The following ZFAT variants were observed in gnomAD, a reference collection of about 807,000 sequenced individuals.
ZFAT encodes zinc finger and AT-hook domain containing.
Under a neutral mutation model 117.7 loss-of-function variants are expected in ZFAT, and 64 were observed. That is an observed-to-expected ratio of 0.54 (90% CI 0.44 to 0.67). The LOEUF (loss-of-function observed/expected upper bound fraction) is 0.67, where lower values mean the gene tolerates loss of function less well. Among genes scored for constraint, ZFAT ranks in the 30% least tolerant of loss-of-function variants. The pLI is 0.00. For missense variants in ZFAT, 1,433 were observed against 1,584.5 expected, an observed-to-expected ratio of 0.90 and a Z score of 1.62; for synonymous variants, 679 against 615.0, an observed-to-expected ratio of 1.10 and a Z score of -1.54.
Position 134,565,638 on chromosome 8 carries a change from C to T in ZFAT, c.2888-217G>A, listed in dbSNP as rs1824399207. 3 of 654,240 alleles carry T rather than the reference C, an allele frequency of 4.6e-6. No homozygotes were observed. In the Admixed American group the frequency reaches 7.4e-5, roughly 16 times the overall value. The allele number at this position is 654,240 out of a possible 1,614,324, so 40.5% of individuals were successfully genotyped here. A position where few individuals can be genotyped will look rare whatever the true frequency, so the allele number is the denominator to read the frequency against. On this transcript the variant is annotated intron_variant, in intron 10 of 15. Coordinates refer to ENST00000377838, the MANE Select transcript of ZFAT (RefSeq NM_020863.4). ...GGCACTCCCCAGGGAGGGAGAGGCA[C>T]AGCCAGCTCCACCTGGGGAGGCCCC... is the stretch of plus-strand genomic sequence containing the variant.
intron 2 of ZFAT, among the ~76,000 whole-genome samples, chr8:134,644,772 T>C (rs1021526940): frequency 6.6e-6 from 1 of 151,588 alleles, no homozygotes; most frequent in Non-Finnish European, 1.5e-5. Context: ...ATACTCACAA[T>C]GTGCCCAGAT....
chr8:134,509,637 C>T lies in ZFAT; in HGVS notation c.3474G>A (p.Thr1158=), dbSNP rs16905160. 4,933 of 1,613,360 alleles carry T rather than the reference C, an allele frequency of 3.1e-3. 119 individuals carry two copies. In the African/African-American group the frequency reaches 0.054, roughly 18 times the overall value. ...TCCCTACCTGCTTAACCACAGTCAC[C>T]GTCCCTGGTGCCATGGCAACCACCG... The part of the protein sequence containing the change: ...LASVVAMAPG[T]VTVVKQVTEE... Residue 1158 remains threonine (T), a synonymous_variant, in exon 15 of 16, where the codon ACG becomes ACA. Coordinates refer to ENST00000377838, the MANE Select transcript of ZFAT (RefSeq NM_020863.4).
chr8:134,634,929 G>A (rs1441142980), intron 3 of ZFAT, among the ~76,000 whole-genome samples: 4 of 152,154 alleles, frequency 2.6e-5, no homozygotes, highest in Admixed American at 1.3e-4. Context: ...GGATGAAACT[G>A]TTCCACCTCA....
At chr8:134,520,502 T>C (rs1047826898) in intron 13 of ZFAT, among the ~76,000 whole-genome samples, 1 of 151,910 alleles carries the variant, frequency 6.6e-6, no homozygotes, top group Non-Finnish European at 1.5e-5. Flanking sequence ...GAGCAGGGCC[T>C]AGATTCAGGA....
chr8:134,749,114 C>A, the ZFAT span, among the ~76,000 whole-genome samples: 2 of 152,026 alleles, frequency 1.3e-5, no homozygotes, highest in African/African-American at 2.4e-5. Flanking sequence ...CTTTTTGTGG[C>A]ATCTTTTGAA....
intron 10 of ZFAT, among the ~76,000 whole-genome samples, chr8:134,571,689 A>T (rs1824920315): frequency 6.6e-6 from 1 of 152,224 alleles, no homozygotes; most frequent in Non-Finnish European, 1.5e-5. Context: ...AGCACTATGA[A>T]CCAAAGCTAC....
chr8:134,533,062 G>C (rs1361039996), intron 11 of ZFAT, 90 bp from the exon 12 acceptor site: 1 of 1,510,594 alleles, frequency 6.6e-7, no homozygotes, highest in Admixed American at 2.0e-5. Context: ...CTGACACCCT[G>C]AAAGCCTGAG....
intron 10 of ZFAT, among the ~76,000 whole-genome samples, chr8:134,580,380 T>A (rs1005716482): frequency 6.6e-6 from 1 of 152,174 alleles, no homozygotes; most frequent in African/African-American, 2.4e-5. Flanking sequence ...AAAAGCTAAT[T>A]CTATGGTTAA....
chr8:134,713,100 C>A (rs953932128), upstream of ZFAT: 4 of 419,474 alleles, frequency 9.5e-6, no homozygotes, highest in African/African-American at 6.2e-5. Flanking sequence ...GGGTGACCCT[C>A]CCCCGGCGCC....
At chr8:134,569,251 C>T (rs914091970) in intron 10 of ZFAT, among the ~76,000 whole-genome samples, 1 of 151,996 alleles carries the variant, frequency 6.6e-6, no homozygotes, top group Non-Finnish European at 1.5e-5. Context: ...TGCCAGATCA[C>T]GAAGCTTCAA....
chr8:134,491,816 G>A (rs1249743151), intron 15 of ZFAT, among the ~76,000 whole-genome samples: 3 of 152,122 alleles, frequency 2.0e-5, no homozygotes, highest in African/African-American at 7.2e-5. Flanking sequence ...CTTAATTCCC[G>A]CTTGCCATGT....
At chr8:134,705,332 C>G (rs534545118) in intron 1 of ZFAT, among the ~76,000 whole-genome samples, 2 of 150,906 alleles carry the variant, frequency 1.3e-5, no homozygotes, top group South Asian at 4.2e-4. Flanking sequence ...TCCTGATTAG[C>G]TGGGACCAAA....
chr8:134,739,177 A>T, the ZFAT span, among the ~76,000 whole-genome samples: 1 of 152,188 alleles, frequency 6.6e-6, no homozygotes, highest in Non-Finnish European at 1.5e-5. Context: ...CAACTTGTAA[A>T]TATCTATTAG....
intron 15 of ZFAT, among the ~76,000 whole-genome samples, chr8:134,508,046 G>A (rs763661295): frequency 1.3e-5 from 2 of 152,218 alleles, no homozygotes; most frequent in African/African-American, 2.4e-5. Context: ...GCAGATACCA[G>A]GTTGCTACAG....
intron 11 of ZFAT, among the ~76,000 whole-genome samples, chr8:134,540,761 C>CG (rs2130626018): frequency 6.6e-6 from 1 of 152,282 alleles, no homozygotes; most frequent in South Asian, 2.1e-4. Context: ...CGCCATCTAG[C>CG]GGACTGGGAA....
At chr8:134,669,694 CTAACGAGCAAAA>C (rs1832453841) in intron 1 of ZFAT, among the ~76,000 whole-genome samples, 1 of 152,190 alleles carries the variant, frequency 6.6e-6, no homozygotes, top group South Asian at 2.1e-4. Flanking sequence ...ACTGCATCAA[CTAACGAGCAAAA>C]TAACCAGCTA....
chr8:134,544,528 T>C (rs569261439), intron 11 of ZFAT, among the ~76,000 whole-genome samples: 1 of 152,150 alleles, frequency 6.6e-6, no homozygotes, highest in African/African-American at 2.4e-5. Context: ...GGAGAAACTG[T>C]ATTCCTAACA....
At chr8:134,789,348 C>T in the ZFAT span, among the ~76,000 whole-genome samples, 1 of 152,130 alleles carries the variant, frequency 6.6e-6, no homozygotes, top group African/African-American at 2.4e-5. Flanking sequence ...AGAATACAGC[C>T]AATATTCCTT....
the ZFAT span, among the ~76,000 whole-genome samples, chr8:134,739,287 A>ATGTG: frequency 8.6e-5 from 13 of 150,500 alleles, no homozygotes; most frequent in Admixed American, 2.0e-4. Context: ...GTGTGTAGAG[A>ATGTG]TGTGTGTGTG....
Sources: gnomAD v4.1 joint callset for allele counts (sites outside exome capture counted in the v4.1 genomes callset) on GRCh38, gnomAD v4.1.1 for gene constraint, MANE v1.5 for transcripts, NCBI Gene and HGNC (gene_info 2026-07-23, HGNC 2026-07-21) for gene names.